The following MRS2 variants were observed in gnomAD, a reference collection of about 807,000 sequenced individuals.
MRS2 encodes the protein magnesium transporter MRS2, also known as magnesium transporter MRS2 homolog, mitochondrial.
Under a neutral mutation model 52.6 loss-of-function variants are expected in MRS2, and 40 were observed. The observed-to-expected ratio is 0.76, with a 90% CI of 0.59 to 0.99. The LOEUF (loss-of-function observed/expected upper bound fraction) is 0.99. Among genes scored for constraint, MRS2 ranks in the 50% least tolerant of loss-of-function variants. The probability of loss-of-function intolerance (pLI) is 0.00; values close to 1 mark genes in which losing one functional copy is unlikely to be tolerated. For synonymous variants in MRS2, 193 were observed against 195.9 expected (o/e 0.98, Z 0.13); for missense variants, 472 against 532.7 (o/e 0.89, Z 1.12).
At chr6:24,417,483 TC>T (rs1761889228) in intron 7 of MRS2, among the ~76,000 whole-genome samples, 1 of 152,240 alleles carries the variant, frequency 6.6e-6, no homozygotes. Context: ...ATCTGGATTT[TC>T]CTGTAACTGG....
intron 4 of MRS2, chr6:24,410,741 C>A: frequency 6.5e-7 from 1 of 1,532,226 alleles, no homozygotes; most frequent in Non-Finnish European, 8.7e-7. Context: ...ATTCTCTACT[C>A]TTGGAATCAG....
At chr6:24,418,279 AT>A in intron 8 of MRS2, 43 bp downstream of exon 8, 1 of 1,380,628 alleles carries the variant, frequency 7.2e-7, no homozygotes, top group Non-Finnish European at 9.8e-7. Flanking sequence ...TAATAAAATA[AT>A]TATAAGAAAG....
chr6:24,411,004 C>G (rs1761630097), intron 4 of MRS2, among the ~76,000 whole-genome samples: 1 of 152,008 alleles, frequency 6.6e-6, no homozygotes, highest in South Asian at 2.1e-4. Flanking sequence ...GCCTGACCAA[C>G]ATGGTGAAAC....
chr6:24,403,509 A>G (rs1181501781), intron 1 of MRS2, among the ~76,000 whole-genome samples: 1 of 152,204 alleles, frequency 6.6e-6, no homozygotes, highest in Non-Finnish European at 1.5e-5. Flanking sequence ...TTATGTAACC[A>G]TAGGAACAAC....
At chr6:24,409,359 A>G (rs1383028868) in intron 3 of MRS2, 102 bp from the exon 4 acceptor site, 20 of 595,518 alleles carry the variant, frequency 3.4e-5, no homozygotes, top group Non-Finnish European at 5.2e-5. Context: ...TTCTGGTAGT[A>G]ACCAAAAATT....
chr6:24,418,351 TTA>T (rs1491366488), intron 8 of MRS2, 108 bp from the exon 9 acceptor site: 473 of 1,391,764 alleles, frequency 3.4e-4, no homozygotes, highest in Admixed American at 1.2e-3. Context: ...TACATTATTA[TTA>T]TTTTTTTTGT....
At chr6:24,417,728 G>A (rs993372844) in intron 7 of MRS2, among the ~76,000 whole-genome samples, 1 of 152,162 alleles carries the variant, frequency 6.6e-6, no homozygotes, top group Non-Finnish European at 1.5e-5. Flanking sequence ...CAGATCACAA[G>A]GTCAGGAGTT....
At chr6:24,414,134 GAGAA>G (rs966238132) in intron 5 of MRS2, among the ~76,000 whole-genome samples, 1 of 148,096 alleles carries the variant, frequency 6.8e-6, no homozygotes, top group Non-Finnish European at 1.5e-5. Context: ...ATGTCTATAG[GAGAA>G]AGACTTTTTT....
chr6:24,413,804 A>G (rs1761746873), intron 5 of MRS2, among the ~76,000 whole-genome samples: 1 of 152,252 alleles, frequency 6.6e-6, no homozygotes, highest in South Asian at 2.1e-4. Context: ...TTACGTCATC[A>G]GTTTTACCGC....
At chr6:24,423,331 C>G in intron 10 of MRS2, 1 of 454,226 alleles carries the variant, frequency 2.2e-6, no homozygotes, top group Non-Finnish European at 3.9e-6. Flanking sequence ...TACATTTAAA[C>G]AGATGTTAGT....
At chr6:24,416,252 C>A in intron 6 of MRS2, 145 bp from the exon 7 acceptor site, 1 of 503,480 alleles carries the variant, frequency 2.0e-6, no homozygotes, top group South Asian at 3.0e-5. Context: ...GGTAAATACT[C>A]AACTTTTTTT....
At position 24,418,597 on chromosome 6, in the gene MRS2, T is replaced by A; in HGVS notation, c.1107+19T>A. 6.3e-7 allele frequency: 1 copy of A among 1,588,132 alleles called. No homozygotes were observed. Among genetic ancestry groups the A allele is most frequent in the Non-Finnish European group, 8.6e-7 (1 of 1,157,914 alleles). On this transcript the variant is annotated intron_variant, in intron 9 of 10. Coordinates refer to ENST00000378386, the MANE Select transcript of MRS2 (RefSeq NM_020662.4). The stretch of plus-strand genomic sequence containing the variant: ...TGAAGAGGTGAGAATGTATTATTAT[T>A]TCTAAAACTTGGGGGTTTTGGCCGG...
At chr6:24,404,381 G>A (rs1464463989) in intron 1 of MRS2, among the ~76,000 whole-genome samples, 2 of 152,122 alleles carry the variant, frequency 1.3e-5, no homozygotes, top group African/African-American at 2.4e-5. Flanking sequence ...GTGATAATTT[G>A]TATTTTGTAA....
intron 9 of MRS2, among the ~76,000 whole-genome samples, chr6:24,421,376 C>A (rs759158022): frequency 7.0e-6 from 1 of 143,490 alleles, no homozygotes. Flanking sequence ...ATCAGAATTA[C>A]AAATTACACA....
intron 9 of MRS2, 60 bp from the exon 10 acceptor site, chr6:24,422,877 C>A: frequency 8.7e-7 from 1 of 1,153,006 alleles, no homozygotes; most frequent in Non-Finnish European, 1.3e-6. Context: ...AGTAACAATT[C>A]AAGGAATCTT....
chr6:24,412,917 A>G (rs921586456), intron 5 of MRS2, among the ~76,000 whole-genome samples: 1 of 152,138 alleles, frequency 6.6e-6, no homozygotes, highest in Non-Finnish European at 1.5e-5. Context: ...TACATGCAAG[A>G]GTTGGTGCTG....
rs918763730 is a variant in MRS2 at position 24,421,921 on chromosome 6, G to A, written c.1108-1016G>A. ...CCCAGCACTTTGGTAGGCCAAGGTG[G>A]GCAGATCACTTTAGGCCAGGAGTTC... On this transcript the variant is annotated intron_variant, in intron 9 of 10. Transcript: ENST00000378386. 5.9e-5 allele frequency among the ~76,000 whole-genome samples: 9 copies of A among 152,208 alleles called. 1 individual carries two copies. In the Middle Eastern group the frequency reaches 0.017, roughly 288 times the overall value.
Position 24,416,525 on chromosome 6 carries a change from A to G in MRS2, c.836+12A>G. 1 of 1,234,944 alleles carries G rather than the reference A, an allele frequency of 8.1e-7. No homozygotes were observed. Among genetic ancestry groups the G allele is most frequent in the Non-Finnish European group, 1.2e-6 (1 of 848,576 alleles). The allele number at this position is 1,234,944 out of a possible 1,614,324, so 76.5% of individuals were successfully genotyped here. Reference sequence around the variant, plus strand: ...GACCCACAAGTCTTGTAAGTATATAATTATACTTTGTTATTTATTTCCTTA... The same window carrying G: ...GACCCACAAGTCTTGTAAGTATATAGTTATACTTTGTTATTTATTTCCTTA... On this transcript the variant is annotated intron_variant, in intron 7 of 10. Transcript: ENST00000378386.
At chr6:24,403,319 C>CG in intron 1 of MRS2, 83 bp downstream of exon 1, 2 of 1,352,162 alleles carry the variant, frequency 1.5e-6, no homozygotes, top group Admixed American at 3.0e-5. Flanking sequence ...CGGCGCGGCG[C>CG]GCCTGTTGCT....
Sources: allele counts gnomAD v4.1 joint callset (sites outside exome capture counted in the v4.1 genomes callset), GRCh38; gene constraint gnomAD v4.1.1; transcripts MANE v1.5; gene names NCBI Gene and HGNC (gene_info 2026-07-23, HGNC 2026-07-21).